The following ZNF454 variants were observed in gnomAD, a reference collection of about 807,000 sequenced individuals.
ZNF454 encodes the protein zinc finger protein 454.
A neutral mutation model predicts 48.2 loss-of-function variants in ZNF454; 30 were observed. The ratio of observed to expected loss-of-function variants is 0.62; its 90% CI spans 0.47 to 0.84. The LOEUF (loss-of-function observed/expected upper bound fraction) is 0.84. ZNF454 is among the 40% of genes least tolerant of loss of function. The pLI is 0.00. For missense variants in ZNF454, 510 were observed against 623.1 expected (o/e 0.82, Z 1.93); for synonymous variants, 204 against 211.4 (o/e 0.97, Z 0.30).
intron 4 of ZNF454, among the ~76,000 whole-genome samples, chr5:178,962,593 C>A (rs1760037976): frequency 6.6e-6 from 1 of 151,574 alleles, no homozygotes; most frequent in Middle Eastern, 3.2e-3. Context: ...GGTTCCAATT[C>A]TTTGTTGTAA....
At chr5:178,969,434 A>G (rs1247428417), downstream of ZNF454, 1 of 456,482 alleles carries the variant, frequency 2.2e-6, no homozygotes, top group Non-Finnish European at 4.4e-6. Context: ...TCCTAGAAAG[A>G]GCAGTTCATT....
chr5:178,970,922 G>A (rs1420852724), downstream of ZNF454, among the ~76,000 whole-genome samples: 6 of 152,050 alleles, frequency 3.9e-5, no homozygotes, highest in Admixed American at 3.3e-4. Flanking sequence ...AATGACCATC[G>A]AAGCCCCACG....
chr5:178,959,410 C>T (rs1759906117), intron 4 of ZNF454, among the ~76,000 whole-genome samples: 1 of 152,166 alleles, frequency 6.6e-6, no homozygotes, highest in South Asian at 2.1e-4. Context: ...CTTTAGATTA[C>T]TCGAGCATTA....
chr5:178,985,676 C>CT, the ZNF454 span: 1 of 394,618 alleles, frequency 2.5e-6, no homozygotes, highest in East Asian at 7.7e-5. Context: ...GCACTCCAGC[C>CT]TGGGCGACAC....
At chr5:178,945,456 G>C (rs888350555) in intron 2 of ZNF454, among the ~76,000 whole-genome samples, 1 of 148,396 alleles carries the variant, frequency 6.7e-6, no homozygotes, top group Non-Finnish European at 1.5e-5. Flanking sequence ...GTGAATGTGG[G>C]GGGGGTGTGT....
At chr5:178,981,467 T>G in the ZNF454 span, 1 of 591,046 alleles carries the variant, frequency 1.7e-6, no homozygotes, top group Non-Finnish European at 3.0e-6. The surrounding 1 kb of genome is among the most constrained non-coding windows in gnomAD (Gnocchi z 5.1). Flanking sequence ...AGCATGAAGC[T>G]CACATGCTGG....
Position 178,942,709 on chromosome 5 carries a change from G to C in ZNF454, c.-83G>C, listed in dbSNP as rs1323370651. The C allele has an allele frequency of 3.9e-6, 6 of 1,519,854 alleles. No individual in the cohort carries two copies. Among genetic ancestry groups the C allele is most frequent in the Non-Finnish European group, 5.5e-6 (6 of 1,095,864 alleles). The allele number at this position is 1,519,854 out of a possible 1,614,324, so 94.1% of individuals were successfully genotyped here. On this transcript the variant is annotated 5_prime_UTR_variant, in exon 2 of 5. Transcript: ENST00000519564. The stretch of plus-strand genomic sequence containing the variant: ...GCAGGTGTGTGGACCCTTCTAGCCT[G>C]AGGAGTCCTGCAGGTGTGAAGCTCC...
chr5:178,987,568 A>G, the ZNF454 span: 2 of 406,100 alleles, frequency 4.9e-6, no homozygotes, highest in Non-Finnish European at 5.0e-6. Context: ...CACATGCGCA[A>G]ATACCGTCTG....
chr5:178,976,159 CCTT>C, the ZNF454 span: 29 of 455,070 alleles, frequency 6.4e-5, no homozygotes, highest in East Asian at 1.2e-3. Flanking sequence ...CTCCCCACCT[CCTT>C]CAGATGAAGC....
the ZNF454 span, chr5:178,987,129 A>AT: frequency 1.2e-6 from 1 of 813,540 alleles, no homozygotes; most frequent in Non-Finnish European, 2.0e-6. Context: ...CCGCAGGGAG[A>AT]TCCCCCTTCA....
In ZNF454 at chr5:178,955,535, G is replaced by A. The variant is rs180870004; in HGVS notation, c.250+8549G>A. 1.2e-3 allele frequency among the ~76,000 whole-genome samples: 188 copies of A among 152,306 alleles called. 8 individuals are homozygous for A. Among genetic ancestry groups the A allele is most frequent in the Non-Finnish European group, 8.8e-5 (6 of 68,032 alleles). Reference sequence around the variant, plus strand: ...GTATTACTGGTATAAGCATAACTTAGTCTCAACTTACTATCCTTTTTAAGT... The same window carrying A: ...GTATTACTGGTATAAGCATAACTTAATCTCAACTTACTATCCTTTTTAAGT... On this transcript the variant is annotated intron_variant, in intron 4 of 4. Coordinates refer to ENST00000519564, the MANE Select transcript of ZNF454 (RefSeq NM_001178089.3).
Position 178,942,710 on chromosome 5 carries a change from A to T in ZNF454, c.-82A>T. ...CAGGTGTGTGGACCCTTCTAGCCTGAGGAGTCCTGCAGGTGTGAAGCTCCA... is the reference window on the plus strand; with the variant it reads ...CAGGTGTGTGGACCCTTCTAGCCTGTGGAGTCCTGCAGGTGTGAAGCTCCA... On this transcript the variant is annotated 5_prime_UTR_variant, in exon 2 of 5. Coordinates refer to ENST00000519564, the MANE Select transcript of ZNF454 (RefSeq NM_001178089.3). The T allele has an allele frequency of 6.6e-7, 1 of 1,511,932 alleles. No individual in the cohort carries two copies. The highest frequency in any genetic ancestry group is 1.1e-5 in the South Asian group (1 of 88,722). The allele number at this position is 1,511,932 out of a possible 1,614,324, so 93.7% of individuals were successfully genotyped here.
At chr5:178,985,420 C>G in the ZNF454 span, 14 of 339,668 alleles carry the variant, frequency 4.1e-5, no homozygotes, top group Non-Finnish European at 7.3e-5. Flanking sequence ...AAAAAAAAAA[C>G]TCACTGGGCG....
In ZNF454 at chr5:178,957,413, A is replaced by T. The variant is rs544937348; in HGVS notation, c.251-7242A>T. Among the ~76,000 whole-genome samples the T allele has an allele frequency of 2.1e-3, 320 of 151,102 alleles. 1 individual carries two copies. Among genetic ancestry groups the T allele is most frequent in the African/African-American group, 7.4e-3 (304 of 41,262 alleles). On this transcript the variant is annotated intron_variant, in intron 4 of 4. Transcript: ENST00000519564. Reference sequence around the variant, plus strand: ...CTTTTTTATTTTTATTTTTTATTTTATTTTATTTTTTTTGGGGACGAAGTC... The same window carrying T: ...CTTTTTTATTTTTATTTTTTATTTTTTTTTATTTTTTTTGGGGACGAAGTC...
At chr5:178,951,779 C>G (rs1759565755) in intron 4 of ZNF454, among the ~76,000 whole-genome samples, 1 of 152,070 alleles carries the variant, frequency 6.6e-6, no homozygotes, top group African/African-American at 2.4e-5. Flanking sequence ...TTGGGAGTTT[C>G]TTTGCGTGTA....
chr5:178,968,848 C>A (rs78852394), downstream of ZNF454: 4,749 of 456,726 alleles, frequency 0.01, 204 homozygotes, highest in East Asian at 0.15. Context: ...AGGACCAAGG[C>A]GTGCAGCCAC....
chr5:178,987,562 T>C, the ZNF454 span: 2 of 416,516 alleles, frequency 4.8e-6, no homozygotes, highest in South Asian at 3.6e-5. Flanking sequence ...CAGTCACACA[T>C]GCGCAAATAC....
chr5:178,955,110 T>A (rs1759696198), intron 4 of ZNF454, among the ~76,000 whole-genome samples: 1 of 152,244 alleles, frequency 6.6e-6, no homozygotes. Flanking sequence ...ATACTAAGTG[T>A]GTGTTTAACT....
chr5:178,979,558 A>T, the ZNF454 span: 34 of 152,320 alleles, frequency 2.2e-4, no homozygotes, highest in African/African-American at 7.9e-4. Flanking sequence ...CAGAGTGTGA[A>T]AGTCGTCTGC....
Sources: allele counts gnomAD v4.1 joint callset (sites outside exome capture counted in the v4.1 genomes callset), GRCh38; gene constraint gnomAD v4.1.1; non-coding constraint Gnocchi (gnomAD v3.1); transcripts MANE v1.5; gene names NCBI Gene and HGNC (gene_info 2026-07-23, HGNC 2026-07-21).